SLIT2: variants seen among roughly 807,000 people sequenced by gnomAD.
SLIT2 encodes slit homolog 2 protein.
Under a neutral mutation model 185.7 loss-of-function variants are expected in SLIT2, and 41 were observed. The ratio of observed to expected loss-of-function variants is 0.22; its 90% CI spans 0.17 to 0.29. The LOEUF is 0.29. SLIT2 is among the 10% of genes least tolerant of loss of function. The pLI is 1.00. For missense variants in SLIT2, 1,571 were observed against 1,909.0 expected (o/e 0.82, Z 3.30); for synonymous variants, 693 against 680.2 (o/e 1.02, Z -0.29).
intron 5 of SLIT2, among the ~76,000 whole-genome samples, chr4:20,479,127 A>T (rs673846): frequency 0.77 from 116,429 of 152,094 alleles, 44,707 homozygotes; most frequent in East Asian, 0.87. Context: ...ACCTTTGTTA[A>T]TAGTGCACGT....
intron 21 of SLIT2, among the ~76,000 whole-genome samples, chr4:20,543,420 T>C (rs1158867897): frequency 6.6e-6 from 1 of 152,184 alleles, no homozygotes; most frequent in Non-Finnish European, 1.5e-5. Flanking sequence ...TTCATTCCAT[T>C]CCTTTGTCTC....
chr4:20,534,654 G>T (rs74519802), intron 18 of SLIT2, among the ~76,000 whole-genome samples: 1 of 152,176 alleles, frequency 6.6e-6, no homozygotes, highest in African/African-American at 2.4e-5. Context: ...CTTGGTGATT[G>T]TAGTGGGGAG....
At chr4:20,381,691 A>G (rs1724526206) in intron 4 of SLIT2, among the ~76,000 whole-genome samples, 2 of 152,196 alleles carry the variant, frequency 1.3e-5, no homozygotes, top group Admixed American at 6.6e-5. Flanking sequence ...AACAAAACTA[A>G]CAAATGATGA....
chr4:20,319,672 T>C (rs1050152589), intron 4 of SLIT2, among the ~76,000 whole-genome samples: 2 of 152,034 alleles, frequency 1.3e-5, no homozygotes, highest in South Asian at 4.1e-4. Flanking sequence ...AGGCATTCAG[T>C]AAAAACTGTT....
At chr4:20,320,234 C>T (rs1288845316) in intron 4 of SLIT2, among the ~76,000 whole-genome samples, 1 of 152,120 alleles carries the variant, frequency 6.6e-6, no homozygotes, top group African/African-American at 2.4e-5. Context: ...CTGCTATATT[C>T]CCAGCCCCAA....
intron 4 of SLIT2, among the ~76,000 whole-genome samples, chr4:20,316,283 G>GT (rs1046616187): frequency 8.6e-5 from 13 of 151,786 alleles, no homozygotes; most frequent in Non-Finnish European, 1.6e-4. Flanking sequence ...CTAGATTAAG[G>GT]TTTTTTTACA....
chr4:20,486,345 C>A, intron 7 of SLIT2, 74 bp downstream of exon 7: 2 of 875,824 alleles, frequency 2.3e-6, no homozygotes, highest in Non-Finnish European at 3.8e-6. Flanking sequence ...GTTCAGTAAG[C>A]AAAGGACAGG....
At chr4:20,544,541 G>C (rs1723087843) in intron 21 of SLIT2, among the ~76,000 whole-genome samples, 1 of 151,960 alleles carries the variant, frequency 6.6e-6, no homozygotes, top group South Asian at 2.1e-4. Flanking sequence ...AAAAATATTA[G>C]CTTATCTGTT....
rs531620443 is a variant in SLIT2, at chr4:20,473,511, G to T, written c.467+5688G>T. ...TTATTTATTAGCATAAAACGATTTGGCAAACAGGATAGAGAGAGTTCACCT... is the reference window on the plus strand; with the variant it reads ...TTATTTATTAGCATAAAACGATTTGTCAAACAGGATAGAGAGAGTTCACCT... On this transcript the variant is annotated intron_variant, in intron 5 of 36. Coordinates refer to ENST00000504154, the MANE Select transcript of SLIT2 (RefSeq NM_004787.4). Among the ~76,000 whole-genome samples the T allele has an allele frequency of 1.1e-4, 16 of 151,976 alleles. No individual in the cohort carries two copies. The South Asian group carries it at 3.3e-3, about 32-fold the overall frequency.
At chr4:20,356,532 A>G (rs1178147577) in intron 4 of SLIT2, among the ~76,000 whole-genome samples, 1 of 152,200 alleles carries the variant, frequency 6.6e-6, no homozygotes, top group Non-Finnish European at 1.5e-5. Flanking sequence ...AAATAGGTTA[A>G]TATTCCTGAA....
intron 18 of SLIT2, among the ~76,000 whole-genome samples, chr4:20,538,950 C>T (rs567083801): frequency 8.5e-5 from 13 of 152,158 alleles, no homozygotes; most frequent in South Asian, 6.2e-4. Context: ...TCCATTTTGG[C>T]GCCCCTGGAC....
intron 11 of SLIT2, among the ~76,000 whole-genome samples, chr4:20,513,870 A>C (rs1175970550): frequency 6.6e-6 from 1 of 152,168 alleles, no homozygotes; most frequent in Non-Finnish European, 1.5e-5. Context: ...GTTAAGTACT[A>C]AGGACGTTTA....
intron 4 of SLIT2, among the ~76,000 whole-genome samples, chr4:20,380,385 G>A (rs1346953577): frequency 2.6e-5 from 4 of 152,032 alleles, no homozygotes; most frequent in African/African-American, 9.7e-5. Context: ...TATCTTACAT[G>A]CAATAAAAAA....
At chr4:20,288,703 T>G (rs1715518498) in intron 4 of SLIT2, among the ~76,000 whole-genome samples, 1 of 152,192 alleles carries the variant, frequency 6.6e-6, no homozygotes, top group Admixed American at 6.5e-5. Context: ...ATAAGGGAAT[T>G]CATCACTTTA....
rs371604307 is a variant in SLIT2 at position 20,488,908 on chromosome 4, C to G, written c.701C>G (p.Thr234Ser). 5 of 1,612,630 alleles carry G rather than the reference C, an allele frequency of 3.1e-6. No individual in the cohort carries two copies. The highest frequency in any genetic ancestry group is 4.2e-6 in the Non-Finnish European group (5 of 1,178,984). The change falls in exon 8 of 37, where the codon ACT becomes AGT. Residue 234 changes from threonine (T) to serine (S), a missense_variant. Physicochemically the swap from Thr to Ser is moderately conservative, Grantham distance 58 (BLOSUM62 1). Coordinates refer to ENST00000504154, the MANE Select transcript of SLIT2 (RefSeq NM_004787.4). The part of the protein sequence containing the change: ...LRQRPRVGLY[T>S]QCMGPSHLRG... Reference sequence around the variant, plus strand: ...CAAAGGCCTCGGGTTGGTCTGTACACTCAGTGTATGGGCCCCTCCCACCTG... The same window carrying G: ...CAAAGGCCTCGGGTTGGTCTGTACAGTCAGTGTATGGGCCCCTCCCACCTG...
At chr4:20,385,149 A>G (rs1724832665) in intron 4 of SLIT2, among the ~76,000 whole-genome samples, 1 of 152,108 alleles carries the variant, frequency 6.6e-6, no homozygotes, top group Non-Finnish European at 1.5e-5. Flanking sequence ...GGATTAGATC[A>G]CCTTTGCCAG....
chr4:20,609,643 G>A (rs1422820332), intron 33 of SLIT2, among the ~76,000 whole-genome samples: 1 of 152,044 alleles, frequency 6.6e-6, no homozygotes, highest in Non-Finnish European at 1.5e-5. Flanking sequence ...TTGTCTTTTC[G>A]TACAATTTGA....
chr4:20,529,313 A>C (rs1721578272), intron 16 of SLIT2, among the ~76,000 whole-genome samples: 1 of 152,182 alleles, frequency 6.6e-6, no homozygotes, highest in Non-Finnish European at 1.5e-5. Flanking sequence ...ACAGAAACTA[A>C]TTTATCTCTC....
chr4:20,328,926 G>A (rs1051792216), intron 4 of SLIT2, among the ~76,000 whole-genome samples: 3 of 152,070 alleles, frequency 2.0e-5, no homozygotes, highest in Admixed American at 6.6e-5. Context: ...ATGTGGGAGC[G>A]TGGAAAGTGG....
Sources: allele counts gnomAD v4.1 joint callset (sites outside exome capture counted in the v4.1 genomes callset), GRCh38; gene constraint gnomAD v4.1.1; transcripts MANE v1.5; gene names NCBI Gene and HGNC (gene_info 2026-07-23, HGNC 2026-07-21).